The following AGAP1 variants were observed in gnomAD, a reference collection of about 807,000 sequenced individuals.
AGAP1 encodes arf-GAP with GTPase, ANK repeat and PH domain-containing protein 1.
Under a neutral mutation model 105.3 loss-of-function variants are expected in AGAP1, and 29 were observed. The observed-to-expected ratio is 0.28, with a 90% confidence interval of 0.21 to 0.38. The LOEUF is 0.38. Among genes scored for constraint, AGAP1 ranks in the 10% least tolerant of loss-of-function variants. The pLI is 1.00. For missense variants in AGAP1, 998 were observed against 1,165.1 expected, an observed-to-expected ratio of 0.86 and a Z score of 2.09; for synonymous variants, 509 against 485.9, an observed-to-expected ratio of 1.05 and a Z score of -0.63.
rs1942433582 is a variant in AGAP1, at chr2:235,517,393, G to C, written c.163+22544G>C. 6.6e-6 allele frequency among the ~76,000 whole-genome samples: 1 copy of C among 152,160 alleles called. No individual in the cohort carries two copies. The highest frequency in any genetic ancestry group is 2.1e-4 in the South Asian group (1 of 4,822). On this transcript the variant is annotated intron_variant, in intron 1 of 17. Coordinates refer to ENST00000304032, the MANE Select transcript of AGAP1 (RefSeq NM_001037131.3). The surrounding 1 kb of genome is among the most constrained non-coding windows in gnomAD (Gnocchi z 4.1). ...TTTCTGAGGATTTGTCACTGATGTA[G>C]TAGCATCACGAGTGTTTCGTCACTT... is the stretch of plus-strand genomic sequence containing the variant.
intron 16 of AGAP1, among the ~76,000 whole-genome samples, chr2:236,111,249 A>T (rs1055279099): frequency 1.3e-5 from 2 of 152,158 alleles, no homozygotes; most frequent in African/African-American, 2.4e-5. Flanking sequence ...GGCCGATCCC[A>T]GCTGAGCGTG....
At chr2:235,759,974 G>A (rs996006549) in intron 6 of AGAP1, among the ~76,000 whole-genome samples, 1 of 152,176 alleles carries the variant, frequency 6.6e-6, no homozygotes, top group Non-Finnish European at 1.5e-5. Flanking sequence ...ATTAGTTTGG[G>A]TTGAAAAATT....
At position 235,953,613 on chromosome 2, in the gene AGAP1, AT is replaced by A. The variant is rs1202702929; in HGVS notation, c.1484-14845del. ...TGACAGACTTGATTACGGAGCACCT[AT>A]TTTGTGCATGGTGCTTGCTGGCCAC... On this transcript the variant is annotated intron_variant, in intron 12 of 17. Transcript: ENST00000304032. The surrounding 1 kb of genome is among the most constrained non-coding windows in gnomAD (Gnocchi z 5.2). Among the ~76,000 whole-genome samples, 1 of 152,084 alleles carries A rather than the reference AT, an allele frequency of 6.6e-6. No individual in the cohort carries two copies. The highest frequency in any genetic ancestry group is 1.5e-5 in the Non-Finnish European group (1 of 68,026).
chr2:235,618,434 A>C (rs1225099883), intron 1 of AGAP1, among the ~76,000 whole-genome samples: 1 of 152,064 alleles, frequency 6.6e-6, no homozygotes, highest in Non-Finnish European at 1.5e-5. Context: ...TGTCCAGTTT[A>C]ATTGACCTCC....
rs2149443244 is a variant in AGAP1, at chr2:235,691,800, C to G, written c.164-17379C>G. ...TGACCCCTGCACTCCTGCCCGCCCC[C>G]CATTCACCCACTAGGAGAAAGTACT... On this transcript the variant is annotated intron_variant, in intron 1 of 17. Transcript: ENST00000304032. This position sits in a 1 kb window ranked among gnomAD's most constrained non-coding sequence, Gnocchi z 4.4. 6.6e-6 allele frequency among the ~76,000 whole-genome samples: 1 copy of G among 152,324 alleles called. No individual in the cohort carries two copies. Among genetic ancestry groups the G allele is most frequent in the African/African-American group, 2.4e-5 (1 of 41,564 alleles).
At position 235,725,168 on chromosome 2, in the gene AGAP1, G is replaced by C. The variant is rs1035693199; in HGVS notation, c.310+7524G>C. 2.0e-5 allele frequency among the ~76,000 whole-genome samples: 3 copies of C among 152,178 alleles called. No homozygotes were observed. The highest frequency in any genetic ancestry group is 1.9e-4 in the East Asian group (1 of 5,182). On this transcript the variant is annotated intron_variant, in intron 3 of 17. Coordinates refer to ENST00000304032, the MANE Select transcript of AGAP1 (RefSeq NM_001037131.3). This position sits in a 1 kb window ranked among gnomAD's most constrained non-coding sequence, Gnocchi z 5.7. ...TTCTGGCCTCCAGGGCCAGCTGGCT[G>C]TACAGCCACCTGCAAGTCTTTGTTC... is the stretch of plus-strand genomic sequence containing the variant.
intron 6 of AGAP1, among the ~76,000 whole-genome samples, chr2:235,772,763 A>G (rs1263405417): frequency 1.3e-5 from 2 of 152,220 alleles, no homozygotes; most frequent in African/African-American, 2.4e-5. Context: ...CAGCCTTCAC[A>G]TGGAACCAGC....
Position 236,130,684 on chromosome 2 carries a change from G to A in AGAP1, c.*6562G>A, listed in dbSNP as rs2060071102. 6.6e-6 allele frequency: 1 copy of A among 152,312 alleles called. No individual in the cohort carries two copies. The allele number at this position is 152,312 out of a possible 1,614,324, so 9.4% of individuals were successfully genotyped here. Reference sequence around the variant, plus strand: ...AGTCCAGGTGCATGGAATCCTAATGGGCCTCATGCAGACACTGGAAGCAGC... The same window carrying A: ...AGTCCAGGTGCATGGAATCCTAATGAGCCTCATGCAGACACTGGAAGCAGC... On this transcript the variant is annotated 3_prime_UTR_variant, in exon 18 of 18. Coordinates refer to ENST00000304032, the MANE Select transcript of AGAP1 (RefSeq NM_001037131.3). This position sits in a 1 kb window ranked among gnomAD's most constrained non-coding sequence, Gnocchi z 5.8.
Position 235,944,385 on chromosome 2 carries a change from A to G in AGAP1, c.1483+13462A>G, listed in dbSNP as rs566559083. ...TCTTTTTAGGTACTCTATTTTTGTA[A>G]TGTTTGTAGATAAATAGTCCTTTGC... On this transcript the variant is annotated intron_variant, in intron 12 of 17. Coordinates refer to ENST00000304032, the MANE Select transcript of AGAP1 (RefSeq NM_001037131.3). Among the ~76,000 whole-genome samples, 7 of 152,328 alleles carry G rather than the reference A, an allele frequency of 4.6e-5. No homozygotes were observed. The South Asian group carries it at 1.2e-3, about 27-fold the overall frequency.
chr2:235,603,723 C>G (rs922390774), intron 1 of AGAP1, among the ~76,000 whole-genome samples: 1 of 152,180 alleles, frequency 6.6e-6, no homozygotes, highest in Non-Finnish European at 1.5e-5. Flanking sequence ...ATCTTTTCCT[C>G]TTGACAGTGA....
rs1021291478 is a variant in AGAP1 at position 235,973,894 on chromosome 2, G to A, written c.1645+5271G>A. On this transcript the variant is annotated intron_variant, in intron 13 of 17. Transcript: ENST00000304032. The surrounding 1 kb of genome is among the most constrained non-coding windows in gnomAD (Gnocchi z 4.7). ...GTCCAAGTTCAAGGGTATGTGCCAG[G>A]GAAAAGCGCCTGGGCAGTGGGATTT... Among the ~76,000 whole-genome samples the A allele has an allele frequency of 1.3e-5, 2 of 152,112 alleles. No homozygotes were observed. Among genetic ancestry groups the A allele is most frequent in the African/African-American group, 4.8e-5 (2 of 41,404 alleles).
rs1288254379 is a variant in AGAP1, at chr2:235,983,083, C to T, written c.1645+14460C>T. 6.6e-6 allele frequency among the ~76,000 whole-genome samples: 1 copy of T among 152,160 alleles called. No homozygotes were observed. Among genetic ancestry groups the T allele is most frequent in the Admixed American group, 6.5e-5 (1 of 15,280 alleles). Reference sequence around the variant, plus strand: ...CCAGCCTGGTCTGTGGAGGTGTGCTCACTGCTGCAGGGCCATTTGCTGAGC... The same window carrying T: ...CCAGCCTGGTCTGTGGAGGTGTGCTTACTGCTGCAGGGCCATTTGCTGAGC... On this transcript the variant is annotated intron_variant, in intron 13 of 17. Coordinates refer to ENST00000304032, the MANE Select transcript of AGAP1 (RefSeq NM_001037131.3). This position sits in a 1 kb window ranked among gnomAD's most constrained non-coding sequence, Gnocchi z 4.5.
Position 235,888,614 on chromosome 2 carries a change from G to A in AGAP1, c.1155+5165G>A, listed in dbSNP as rs1404615064. On this transcript the variant is annotated intron_variant, in intron 10 of 17. Coordinates refer to ENST00000304032, the MANE Select transcript of AGAP1 (RefSeq NM_001037131.3). The surrounding 1 kb of genome is among the most constrained non-coding windows in gnomAD (Gnocchi z 4.8). ...AGCTACTCAGGAGGCTGAGGCAGGA[G>A]GATCACTTGAGCCAGGAGGTCAGGG... is the stretch of plus-strand genomic sequence containing the variant. Among the ~76,000 whole-genome samples the A allele has an allele frequency of 6.6e-6, 1 of 152,036 alleles. No individual in the cohort carries two copies. Among genetic ancestry groups the A allele is most frequent in the East Asian group, 1.9e-4 (1 of 5,170 alleles).
intron 9 of AGAP1, among the ~76,000 whole-genome samples, chr2:235,831,056 G>A (rs1025932982): frequency 2.0e-5 from 3 of 152,058 alleles, no homozygotes; most frequent in African/African-American, 7.2e-5. Flanking sequence ...CATGACCCAG[G>A]AGCACACCCC....
At chr2:236,043,828 A>G (rs1194151523) in intron 15 of AGAP1, among the ~76,000 whole-genome samples, 1 of 152,158 alleles carries the variant, frequency 6.6e-6, no homozygotes, top group African/African-American at 2.4e-5. Context: ...GAACCTAACG[A>G]GTATTTACAG....
intron 1 of AGAP1, among the ~76,000 whole-genome samples, chr2:235,538,161 A>T (rs886567681): frequency 1.3e-5 from 2 of 152,224 alleles, no homozygotes; most frequent in Admixed American, 6.5e-5. Flanking sequence ...AAATAGGGTT[A>T]TAGGCTTATT....
At chr2:235,748,887 G>A (rs992232454) in intron 5 of AGAP1, among the ~76,000 whole-genome samples, 1 of 152,120 alleles carries the variant, frequency 6.6e-6, no homozygotes, top group Non-Finnish European at 1.5e-5. Flanking sequence ...GAGCCTTCAA[G>A]CCCTATGAAA....
chr2:236,071,228 T>C (rs555937761), intron 16 of AGAP1, among the ~76,000 whole-genome samples: 1 of 152,206 alleles, frequency 6.6e-6, no homozygotes, highest in Non-Finnish European at 1.5e-5. Context: ...AGGCTAAATA[T>C]GCAGGATTTT....
rs1386682450 is a variant in AGAP1, at chr2:236,052,746, G to A, written c.2114+3465G>A. Among the ~76,000 whole-genome samples, 5 of 152,084 alleles carry A rather than the reference G, an allele frequency of 3.3e-5. No homozygotes were observed. In the East Asian group the frequency reaches 5.8e-4, roughly 18 times the overall value. On this transcript the variant is annotated intron_variant, in intron 16 of 17. Coordinates refer to ENST00000304032, the MANE Select transcript of AGAP1 (RefSeq NM_001037131.3). ...TGCATTCGATATTAAATTTATTGTCGCAGGAGGGGAGAGGATGCCCTTTGT... is the reference window on the plus strand; with the variant it reads ...TGCATTCGATATTAAATTTATTGTCACAGGAGGGGAGAGGATGCCCTTTGT...
Sources: gnomAD v4.1 joint callset for allele counts (sites outside exome capture counted in the v4.1 genomes callset) on GRCh38, gnomAD v4.1.1 for gene constraint, Gnocchi (gnomAD v3.1) non-coding constraint, MANE v1.5 for transcripts, NCBI Gene and HGNC (gene_info 2026-07-23, HGNC 2026-07-21) for gene names.